PRKCE: variants seen among roughly 807,000 people sequenced by gnomAD.
PRKCE encodes protein kinase C epsilon type.
A neutral mutation model predicts 85.4 loss-of-function variants in PRKCE; 16 were observed. That is an observed-to-expected ratio of 0.19 (90% CI 0.13 to 0.28). The LOEUF is 0.28. Among genes scored for constraint, PRKCE ranks in the 10% least tolerant of loss-of-function variants. The probability of loss-of-function intolerance (pLI) is 1.00; values close to 1 mark genes in which losing one functional copy is unlikely to be tolerated. For synonymous variants in PRKCE, 388 were observed against 371.5 expected, an observed-to-expected ratio of 1.04 and a Z score of -0.51; for missense variants, 573 against 975.2, an observed-to-expected ratio of 0.59 and a Z score of 5.49.
At chr2:45,999,454 C>T (rs1704487646) in intron 6 of PRKCE, among the ~76,000 whole-genome samples, 1 of 151,978 alleles carries the variant, frequency 6.6e-6, no homozygotes, top group South Asian at 2.1e-4. Context: ...TCTTATTTTT[C>T]CTCCTTTATA....
chr2:45,744,639 G>A (rs562415691), intron 1 of PRKCE, among the ~76,000 whole-genome samples: 13 of 143,772 alleles, frequency 9.0e-5, no homozygotes, highest in African/African-American at 2.6e-4. Flanking sequence ...ACAGAGTCTC[G>A]CTGTGTCACC....
chr2:45,867,988 C>T (rs928894618), intron 2 of PRKCE, among the ~76,000 whole-genome samples: 22 of 151,970 alleles, frequency 1.4e-4, no homozygotes, highest in African/African-American at 5.3e-4. Context: ...AAAAAGAGGG[C>T]GTATCATTGT....
chr2:45,786,214 C>T lies in PRKCE; in HGVS notation c.349-56786C>T, dbSNP rs10173942. Among the ~76,000 whole-genome samples, 17,161 of 152,204 alleles carry T rather than the reference C, an allele frequency of 0.11. 2,299 individuals carry two copies. Among genetic ancestry groups the T allele is most frequent in the African/African-American group, 0.33 (13,606 of 41,494 alleles). On this transcript the variant is annotated intron_variant, in intron 1 of 14. Coordinates refer to ENST00000306156, the MANE Select transcript of PRKCE (RefSeq NM_005400.3). The surrounding 1 kb of genome is among the most constrained non-coding windows in gnomAD (Gnocchi z 5.3). ...TATCCCCCGTGCTGCTTCTTGCTCT[C>T]CGGTTTCCAGGGAGTGCTGGGCTTT...
intron 13 of PRKCE, among the ~76,000 whole-genome samples, chr2:46,153,694 G>A (rs1230792699): frequency 5.9e-5 from 9 of 152,078 alleles, no homozygotes; most frequent in African/African-American, 1.9e-4. Flanking sequence ...GGAGGGTGAC[G>A]GGATGGCGGT....
Position 45,773,198 on chromosome 2 carries a change from A to G in PRKCE, c.349-69802A>G, listed in dbSNP as rs558579571. Among the ~76,000 whole-genome samples the G allele has an allele frequency of 6.6e-5, 10 of 152,140 alleles. No homozygotes were observed. In the East Asian group the frequency reaches 7.7e-4, roughly 12 times the overall value. ...GGCTCCTGGGACCCACAGTCTTCCAACTCTGCTCTCTGATGTCACTGTCCC... is the reference window on the plus strand; with the variant it reads ...GGCTCCTGGGACCCACAGTCTTCCAGCTCTGCTCTCTGATGTCACTGTCCC... On this transcript the variant is annotated intron_variant, in intron 1 of 14. Transcript: ENST00000306156.
chr2:45,707,205 GTCCCAGAAC>G (rs1307846362), intron 1 of PRKCE, among the ~76,000 whole-genome samples: 1 of 152,208 alleles, frequency 6.6e-6, no homozygotes, highest in Non-Finnish European at 1.5e-5. Context: ...TGGAGCATGT[GTCCCAGAAC>G]TTACCAGGTC....
rs1310118836 is a variant in PRKCE, at chr2:45,905,848, C to T, written c.412+62785C>T. 6.6e-6 allele frequency among the ~76,000 whole-genome samples: 1 copy of T among 152,254 alleles called. No individual in the cohort carries two copies. The highest frequency in any genetic ancestry group is 1.9e-4 in the East Asian group (1 of 5,198). ...TACAAATTGGGTGAGATGTGGCTCC[C>T]ACAGTGGGAATAATTTCCTTGAAGG... is the stretch of plus-strand genomic sequence containing the variant. On this transcript the variant is annotated intron_variant, in intron 2 of 14. Transcript: ENST00000306156. This position sits in a 1 kb window ranked among gnomAD's most constrained non-coding sequence, Gnocchi z 4.4.
intron 10 of PRKCE, among the ~76,000 whole-genome samples, chr2:46,011,663 G>T (rs932465754): frequency 6.6e-6 from 1 of 152,120 alleles, no homozygotes; most frequent in Admixed American, 6.5e-5. Flanking sequence ...CTCAACACAC[G>T]TATGTTTATT....
At chr2:45,805,557 T>C (rs1260382791) in intron 1 of PRKCE, among the ~76,000 whole-genome samples, 17 of 152,130 alleles carry the variant, frequency 1.1e-4, no homozygotes, top group Non-Finnish European at 5.9e-5. Context: ...AGTTCACTTA[T>C]TGAAGCTTAT....
intron 2 of PRKCE, among the ~76,000 whole-genome samples, chr2:45,856,201 C>A (rs1055946140): frequency 1.3e-5 from 2 of 151,786 alleles, no homozygotes; most frequent in African/African-American, 4.8e-5. Context: ...TTACCATATC[C>A]CCCTCTCTAA....
rs1677137878 is a variant in PRKCE, at chr2:46,155,795, C to T, written c.1921-3811C>T. On this transcript the variant is annotated intron_variant, in intron 13 of 14. Coordinates refer to ENST00000306156, the MANE Select transcript of PRKCE (RefSeq NM_005400.3). This position sits in a 1 kb window ranked among gnomAD's most constrained non-coding sequence, Gnocchi z 4.7. ...TCCATTTGAGTTACCTTTCTCCATC[C>T]TTCTCCCCACTATCCCCATTGGAGC... 6.6e-6 allele frequency among the ~76,000 whole-genome samples: 1 copy of T among 152,102 alleles called. No individual in the cohort carries two copies. The highest frequency in any genetic ancestry group is 2.4e-5 in the African/African-American group (1 of 41,414).
Position 45,984,580 on chromosome 2 carries a change from G to A in PRKCE, c.723G>A (p.Met241Ile). ...QVGSQRFSVN[M>I]PHKFGIHNYK... ...GCTCCCAGCGGTTCAGCGTCAACATGCCCCACAAGTTCGGTATCCACAACT... is the reference window on the plus strand; with the variant it reads ...GCTCCCAGCGGTTCAGCGTCAACATACCCCACAAGTTCGGTATCCACAACT... The change falls in exon 6 of 15, where the codon ATG becomes ATA. Residue 241 changes from methionine (M) to isoleucine (I), a missense_variant. By Grantham distance (10) the Met-to-Ile change is conservative (BLOSUM62 1). Transcript: ENST00000306156. The A allele has an allele frequency of 6.3e-7, 1 of 1,599,752 alleles. No homozygotes were observed. The highest frequency in any genetic ancestry group is 8.5e-7 in the Non-Finnish European group (1 of 1,179,898).
In PRKCE at chr2:45,798,054, G is replaced by A. The variant is rs1303654983; in HGVS notation, c.349-44946G>A. ...GCTGCATAAAGTGATTAACCCAGGA[G>A]CCAGCTCCTTGGCGTGTCGGGTAGA... On this transcript the variant is annotated intron_variant, in intron 1 of 14. Transcript: ENST00000306156. Among the ~76,000 whole-genome samples, 3 of 152,256 alleles carry A rather than the reference G, an allele frequency of 2.0e-5. No homozygotes were observed. The East Asian group carries it at 5.8e-4, about 29-fold the overall frequency.
At position 45,710,657 on chromosome 2, in the gene PRKCE, G is replaced by T. The variant is rs892708242; in HGVS notation, c.348+58209G>T. ...CTCTGGACATTGCGGCTCCAGCATG[G>T]CCCAGAGTATGCCCAGGGCTTGGGG... On this transcript the variant is annotated intron_variant, in intron 1 of 14. Transcript: ENST00000306156. Among the ~76,000 whole-genome samples, 26 of 152,228 alleles carry T rather than the reference G, an allele frequency of 1.7e-4. 1 individual carries two copies. The highest frequency in any genetic ancestry group is 1.5e-5 in the Non-Finnish European group (1 of 68,036).
chr2:45,851,798 A>T (rs1229855188), intron 2 of PRKCE: 1 of 152,176 alleles, frequency 6.6e-6, no homozygotes, highest in Non-Finnish European at 1.5e-5. Context: ...TCCACAAAGA[A>T]TGCTCTCCGT....
rs370635372 is a variant in PRKCE at position 46,187,674 on chromosome 2, T to G, written c.*2793T>G. 1 of 152,360 alleles carries G rather than the reference T, an allele frequency of 6.6e-6. No individual in the cohort carries two copies. The highest frequency in any genetic ancestry group is 6.6e-5 in the Admixed American group (1 of 15,262). 9.4% of individuals were successfully genotyped at this position (152,360 alleles called of 1,614,324 possible). A position where few individuals can be genotyped will look rare whatever the true frequency, so the allele number is the denominator to read the frequency against. On this transcript the variant is annotated 3_prime_UTR_variant, in exon 15 of 15. Transcript: ENST00000306156. ...GGACTTTGTGAAGTAGAAACATAAT[T>G]TTTTTTCCTCCAAAGGTGAAAAAAC...
chr2:46,152,850 T>A (rs983051911), intron 13 of PRKCE, among the ~76,000 whole-genome samples: 1 of 152,202 alleles, frequency 6.6e-6, no homozygotes, highest in African/African-American at 2.4e-5. Flanking sequence ...CCCTACCTAA[T>A]GTAAATTATT....
At chr2:46,152,581 C>A (rs1342402771) in intron 13 of PRKCE, among the ~76,000 whole-genome samples, 1 of 151,944 alleles carries the variant, frequency 6.6e-6, no homozygotes, top group African/African-American at 2.4e-5. Context: ...TGGAGTGTTG[C>A]TTTGTTACCC....
intron 10 of PRKCE, among the ~76,000 whole-genome samples, chr2:46,040,684 T>G (rs542475407): frequency 6.6e-6 from 1 of 152,118 alleles, no homozygotes; most frequent in Non-Finnish European, 1.5e-5. Context: ...TGAGCTAGAG[T>G]TTAGAATTTT....
Sources: gnomAD v4.1 joint callset for allele counts (sites outside exome capture counted in the v4.1 genomes callset) on GRCh38, gnomAD v4.1.1 for gene constraint, Gnocchi (gnomAD v3.1) non-coding constraint, MANE v1.5 for transcripts, NCBI Gene and HGNC (gene_info 2026-07-23, HGNC 2026-07-21) for gene names.